Variants in MCTP1 observed in about 807,000 individuals in gnomAD.
MCTP1 encodes the protein multiple C2 and transmembrane domain-containing protein 1.
A neutral mutation model predicts 120.6 loss-of-function variants in MCTP1; 69 were observed. The observed-to-expected ratio is 0.57, with a 90% confidence interval of 0.47 to 0.70. The LOEUF is 0.70. Among genes scored for constraint, MCTP1 ranks in the 30% least tolerant of loss-of-function variants. MCTP1 has a pLI of 0.00. For synonymous variants in MCTP1, 529 were observed against 493.1 expected, an observed-to-expected ratio of 1.07 and a Z score of -0.96; for missense variants, 1,203 against 1,248.8, an observed-to-expected ratio of 0.96 and a Z score of 0.55.
At position 94,909,355 on chromosome 5, in the gene MCTP1, C is replaced by T. The variant is rs1807825464; in HGVS notation, c.1548G>A (p.Gln516=). The part of the protein sequence containing the change: ...SKIMPKTLNP[Q]WREQFDFHLY... ...GGTGAAAATCAAATTGTTCCCTCCA[C>T]TGAGGATTCAACGTTTTTGGCATAA... The change falls in exon 10 of 23, where the codon CAG becomes CAA. Residue 516 remains glutamine (Q), a synonymous_variant. Transcript: ENST00000515393. 3 of 1,596,348 alleles carry T rather than the reference C, an allele frequency of 1.9e-6. No individual in the cohort carries two copies. The highest frequency in any genetic ancestry group is 1.2e-5 in the South Asian group (1 of 86,492).
chr5:95,271,902 T>G (rs988353916), intron 1 of MCTP1, among the ~76,000 whole-genome samples: 24 of 152,186 alleles, frequency 1.6e-4, no homozygotes, highest in African/African-American at 5.3e-4. Flanking sequence ...AATGCCGTCT[T>G]CCAATTGTTT....
At chr5:94,751,946 C>A (rs184028191) in intron 19 of MCTP1, among the ~76,000 whole-genome samples, 2 of 123,340 alleles carry the variant, frequency 1.6e-5, no homozygotes, top group East Asian at 4.9e-4. Flanking sequence ...CATCACACTC[C>A]GGGGACTGTT....
chr5:94,882,095 G>A (rs1455352833), intron 12 of MCTP1, among the ~76,000 whole-genome samples: 1 of 152,078 alleles, frequency 6.6e-6, no homozygotes, highest in African/African-American at 2.4e-5. Context: ...TAGTACCCAG[G>A]AAAGACTTTG....
At chr5:95,149,158 A>C (rs191661036) in intron 1 of MCTP1, among the ~76,000 whole-genome samples, 61 of 152,260 alleles carry the variant, frequency 4.0e-4, no homozygotes, top group Non-Finnish European at 7.1e-4. Context: ...CACTGGCACC[A>C]TGTATGCATT....
At chr5:94,788,711 T>C (rs1778278304) in intron 18 of MCTP1, 1 of 147,570 alleles carries the variant, frequency 6.8e-6, no homozygotes, top group Non-Finnish European at 1.5e-5. Context: ...ATAGTTTGGC[T>C]CTCTGCCAAG....
intron 1 of MCTP1, among the ~76,000 whole-genome samples, chr5:95,135,260 A>T (rs538638918): frequency 1.3e-5 from 2 of 152,334 alleles, no homozygotes; most frequent in Non-Finnish European, 2.9e-5. Context: ...AGGGACCATA[A>T]TATCAACAAA....
chr5:94,814,273 G>T (rs1312612238), intron 17 of MCTP1, among the ~76,000 whole-genome samples: 4 of 152,184 alleles, frequency 2.6e-5, no homozygotes, highest in Non-Finnish European at 4.4e-5. Context: ...AAACTTTTGT[G>T]GGGGTAAATT....
At chr5:95,191,303 C>A (rs1749804569) in intron 1 of MCTP1, among the ~76,000 whole-genome samples, 1 of 151,876 alleles carries the variant, frequency 6.6e-6, no homozygotes, top group Admixed American at 6.6e-5. Flanking sequence ...TATTTGTACC[C>A]ATTTGTATTT....
chr5:94,953,836 T>TGC (rs1821303983), intron 2 of MCTP1, among the ~76,000 whole-genome samples: 1 of 46,126 alleles, frequency 2.2e-5, no homozygotes, highest in Non-Finnish European at 3.8e-5. Context: ...TATACATATA[T>TGC]ATATATACAC....
intron 19 of MCTP1, among the ~76,000 whole-genome samples, chr5:94,745,446 C>T (rs1766663139): frequency 6.6e-6 from 1 of 152,136 alleles, no homozygotes; most frequent in Middle Eastern, 3.2e-3. Context: ...CTTCTTTTAG[C>T]CTCATTTTCA....
chr5:94,879,807 C>G (rs1419098852), intron 12 of MCTP1, among the ~76,000 whole-genome samples: 5 of 152,060 alleles, frequency 3.3e-5, no homozygotes, highest in African/African-American at 1.2e-4. Context: ...TGGGGATCCC[C>G]AGAGGTTCCT....
At chr5:95,043,245 T>A (rs1294726414) in intron 1 of MCTP1, among the ~76,000 whole-genome samples, 1 of 152,176 alleles carries the variant, frequency 6.6e-6, no homozygotes, top group African/African-American at 2.4e-5. Context: ...TTTGCATTTC[T>A]AAAACATTTT....
At chr5:94,928,835 C>A in intron 6 of MCTP1, among the ~76,000 whole-genome samples, 1 of 152,038 alleles carries the variant, frequency 6.6e-6, no homozygotes, top group East Asian at 1.9e-4. Flanking sequence ...ACCCGCCCCC[C>A]ACCTCCAAAA....
chr5:95,106,030 G>C lies in MCTP1; in HGVS notation c.721-88546C>G, dbSNP rs188835175. 2.8e-4 allele frequency among the ~76,000 whole-genome samples: 43 copies of C among 152,236 alleles called. No homozygotes were observed. The East Asian group carries it at 6.8e-3, about 24-fold the overall frequency. On this transcript the variant is annotated intron_variant, in intron 1 of 22. Transcript: ENST00000515393. Reference sequence around the variant, plus strand: ...GAGGTTAATCTTGTTTCAAACTTATGGTATGTTCTGTGTCTGTGCTCTGAT... The same window carrying C: ...GAGGTTAATCTTGTTTCAAACTTATCGTATGTTCTGTGTCTGTGCTCTGAT...
intron 17 of MCTP1, among the ~76,000 whole-genome samples, chr5:94,855,919 G>T (rs756875852): frequency 6.6e-6 from 1 of 151,290 alleles, no homozygotes; most frequent in Non-Finnish European, 1.5e-5. Context: ...ATAAACCACC[G>T]GAAAAAATTC....
chr5:95,075,167 T>C (rs759752134), intron 1 of MCTP1, among the ~76,000 whole-genome samples: 2 of 152,202 alleles, frequency 1.3e-5, no homozygotes, highest in Non-Finnish European at 2.9e-5. Flanking sequence ...TTGAACTGCT[T>C]TGACTCATTG....
intron 1 of MCTP1, among the ~76,000 whole-genome samples, chr5:95,067,076 C>A (rs1283626522): frequency 3.3e-5 from 5 of 150,930 alleles, no homozygotes; most frequent in Non-Finnish European, 2.9e-5. Context: ...CAATCCAAGG[C>A]CTGGGATGGG....
chr5:95,241,099 A>T (rs1194825393), intron 1 of MCTP1, among the ~76,000 whole-genome samples: 1 of 152,186 alleles, frequency 6.6e-6, no homozygotes, highest in South Asian at 2.1e-4. Flanking sequence ...TATTGAGCAC[A>T]TACTATATAA....
chr5:95,030,297 G>C (rs1581926977), intron 1 of MCTP1, among the ~76,000 whole-genome samples: 1 of 152,174 alleles, frequency 6.6e-6, no homozygotes, highest in Non-Finnish European at 1.5e-5. Flanking sequence ...TACCCCTTCA[G>C]GGTGGGTGTT....
Sources: allele counts gnomAD v4.1 joint callset (sites outside exome capture counted in the v4.1 genomes callset), GRCh38; gene constraint gnomAD v4.1.1; transcripts MANE v1.5; gene names NCBI Gene and HGNC (gene_info 2026-07-23, HGNC 2026-07-21).